The following MYH1 variants were observed in gnomAD, a reference collection of about 807,000 sequenced individuals.
The protein encoded by MYH1 is myosin heavy chain 1, also known as myosin-1.
In MYH1, 214 loss-of-function variants were observed where a neutral mutation model predicts 225.6. The ratio of observed to expected loss-of-function variants is 0.95; its 90% CI spans 0.85 to 1.06. MYH1 has a LOEUF of 1.06. MYH1 is among the 50% of genes least tolerant of loss of function. The probability of loss-of-function intolerance (pLI) is 0.00; values close to 1 mark genes in which losing one functional copy is unlikely to be tolerated. For synonymous variants in MYH1, 774 were observed against 842.3 expected, an observed-to-expected ratio of 0.92 and a Z score of 1.40; for missense variants, 2,098 against 2,344.2, an observed-to-expected ratio of 0.89 and a Z score of 2.17.
chr17:10,505,976 A>T, intron 18 of MYH1, 36 bp downstream of exon 18: 5 of 1,614,176 alleles, frequency 3.1e-6, no homozygotes, highest in Non-Finnish European at 4.2e-6. Context: ...TATCACACAC[A>T]CACTGGAGCT....
In MYH1 at chr17:10,503,266, A is replaced by C. The variant is rs778389547; in HGVS notation, c.2692-18T>G. On this transcript the variant is annotated intron_variant, in intron 22 of 39. Transcript: ENST00000226207. ...TCAGCTTCCTGAGAAGAGGCAATAGATATTTTAGATTTTATGAAAATTCCT... is the reference window on the plus strand; with the variant it reads ...TCAGCTTCCTGAGAAGAGGCAATAGCTATTTTAGATTTTATGAAAATTCCT... The C allele has an allele frequency of 1.9e-6, 3 of 1,603,050 alleles. No individual in the cohort carries two copies. The South Asian group carries it at 3.4e-5, about 18-fold the overall frequency.
intron 14 of MYH1, among the ~76,000 whole-genome samples, chr17:10,510,170 T>C (rs2073157468): frequency 6.6e-6 from 1 of 152,102 alleles, no homozygotes; most frequent in Non-Finnish European, 1.5e-5. Flanking sequence ...AAAAGTTGTT[T>C]GGTTTTTATA....
chr17:10,500,585 G>T, intron 28 of MYH1, 41 bp downstream of exon 28: 1 of 1,610,862 alleles, frequency 6.2e-7, no homozygotes, highest in East Asian at 2.2e-5. Flanking sequence ...CACATGCAGG[G>T]TGAATTTGTC....
intron 27 of MYH1, 41 bp downstream of exon 27, chr17:10,501,069 A>T (rs770694368): frequency 6.2e-7 from 1 of 1,604,236 alleles, no homozygotes; most frequent in Non-Finnish European, 8.5e-7. Context: ...CTAAAGGGAA[A>T]AACAAAAAAC....
rs370081195 is a variant in MYH1, at chr17:10,508,391, G to T, written c.1869C>A (p.Leu623=). 21 of 1,608,632 alleles carry T rather than the reference G, an allele frequency of 1.3e-5. No individual in the cohort carries two copies. Among genetic ancestry groups the T allele is most frequent in the Non-Finnish European group, 1.7e-5 (20 of 1,177,304 alleles). Reference sequence around the variant, plus strand: ...CTTCCGCTCCCGTTGCCCCAACAAAGAGGAGAGCCAGAGTCTTCATTGCAG... The same window carrying T: ...CTTCCGCTCCCGTTGCCCCAACAAATAGGAGAGCCAGAGTCTTCATTGCAG... The part of the protein sequence containing the change: ...QKSAMKTLAL[L]FVGATGAEAE... Residue 623 remains leucine (L), a synonymous_variant, in exon 16 of 40, where the codon CTC becomes CTA. Coordinates refer to ENST00000226207, the MANE Select transcript of MYH1 (RefSeq NM_005963.4).
chr17:10,499,048 G>A lies in MYH1; in HGVS notation c.3910C>T (p.Gln1304Ter), dbSNP rs1335448454. 1.2e-6 allele frequency: 2 copies of A among 1,614,120 alleles called. No individual in the cohort carries two copies. The highest frequency in any genetic ancestry group is 1.7e-6 in the Non-Finnish European group (2 of 1,180,002). ...AAGGCTTGTTTGCCCCTCGAGAGCT[G>A]TGAAACTAGTGTGTCCTTTTCATCT... ...QLDEKDTLVS[Q>*]LSRGKQAFTQ... Residue 1304 changes from glutamine (Q) to a stop codon, truncating the protein, a stop_gained, in exon 29 of 40, where the codon CAG becomes TAG. Transcript: ENST00000226207. LOFTEE classifies it high-confidence loss of function.
chr17:10,508,640 C>A lies in MYH1; in HGVS notation c.1620G>T (p.Glu540Asp). Residue 540 changes from glutamate to aspartate, a missense_variant, in exon 16 of 40, where the codon GAG (glutamate) becomes GAT (aspartate). Physicochemically the swap from Glu to Asp is conservative, Grantham distance 45 (BLOSUM62 2). Coordinates refer to ENST00000226207, the MANE Select transcript of MYH1 (RefSeq NM_005963.4). Reference sequence around the variant, plus strand: ...TGTCTGTCGCCTTGGGGAACATGCACTCCTCTTCCAGGATGGAGAAGATGC... The same window carrying A: ...TGTCTGTCGCCTTGGGGAACATGCAATCCTCTTCCAGGATGGAGAAGATGC... ...PMGIFSILEE[E>D]CMFPKATDTS... The A allele has an allele frequency of 6.2e-7, 1 of 1,614,172 alleles. No individual in the cohort carries two copies. Among genetic ancestry groups the A allele is most frequent in the South Asian group, 1.1e-5 (1 of 91,082 alleles).
Position 10,499,957 on chromosome 17 carries a change from G to A in MYH1, c.3865+669C>T, listed in dbSNP as rs112034241. On this transcript the variant is annotated intron_variant, in intron 28 of 39. Coordinates refer to ENST00000226207, the MANE Select transcript of MYH1 (RefSeq NM_005963.4). ...ACAACTCTGGTAGAAAGTTGGACAC[G>A]TCAGTAGGAGGGGGAATAAATGCAG... Among the ~76,000 whole-genome samples, 528 of 152,234 alleles carry A rather than the reference G, an allele frequency of 3.5e-3. 3 individuals are homozygous for A. The highest frequency in any genetic ancestry group is 1.0e-2 in the African/African-American group (414 of 41,526).
In MYH1 at chr17:10,501,504, G is replaced by A. The variant is rs201826064; in HGVS notation, c.3349-5C>T. 3.8e-5 allele frequency: 61 copies of A among 1,614,198 alleles called. No individual in the cohort carries two copies. Among genetic ancestry groups the A allele is most frequent in the Non-Finnish European group, 5.1e-5 (60 of 1,180,040 alleles). On this transcript the variant is annotated splice_polypyrimidine_tract_variant and splice_region_variant and intron_variant, in intron 26 of 39. Coordinates refer to ENST00000226207, the MANE Select transcript of MYH1 (RefSeq NM_005963.4). ...CTCCAGCTCCTCAATGCGGGCCTGG[G>A]AATGGTGAAAAATATTAATACGAAC...
intron 22 of MYH1, among the ~76,000 whole-genome samples, chr17:10,504,291 A>T (rs902096022): frequency 1.3e-5 from 2 of 152,238 alleles, no homozygotes; most frequent in Admixed American, 1.3e-4. Context: ...TATCTGTGGA[A>T]GGCATTGCCA....
intron 5 of MYH1, 25 bp downstream of exon 5, chr17:10,515,901 T>C: frequency 6.2e-7 from 1 of 1,614,030 alleles, no homozygotes; most frequent in Non-Finnish European, 8.5e-7. Context: ...AAATAATTCA[T>C]ATGAAAACCA....
At chr17:10,500,266 G>A (rs968710260) in intron 28 of MYH1, among the ~76,000 whole-genome samples, 2 of 152,060 alleles carry the variant, frequency 1.3e-5, no homozygotes, top group East Asian at 1.9e-4. Flanking sequence ...CTGTAAGGAT[G>A]CACTTTGTTT....
rs1260730446 is a variant in MYH1, at chr17:10,500,683, G to C, written c.3808C>G (p.Gln1270Glu). Reference protein sequence around the residue: ...LSEIKTKEEEQQRLINDLTAQ... With the variant: ...LSEIKTKEEEEQRLINDLTAQ... ...GTGAGGTCATTGATCAGCCGCTGCT[G>C]CTCCTCTTCCTTGGTCTTAATTTCA... The change falls in exon 28 of 40, where the codon CAG becomes GAG. Residue 1270 changes from glutamine to glutamate, a missense_variant. By Grantham distance (29) the Gln-to-Glu change is conservative (BLOSUM62 2). Transcript: ENST00000226207. The C allele has an allele frequency of 4.3e-6, 7 of 1,614,090 alleles. No homozygotes were observed. The Middle Eastern group carries it at 5.0e-4, about 115-fold the overall frequency.
chr17:10,514,410 T>C (rs1243258650), intron 6 of MYH1, among the ~76,000 whole-genome samples: 1 of 152,220 alleles, frequency 6.6e-6, no homozygotes, highest in Non-Finnish European at 1.5e-5. Context: ...AGCACCTCTG[T>C]AGTGAATGGA....
At chr17:10,507,643 C>T (rs1017898553) in intron 17 of MYH1, among the ~76,000 whole-genome samples, 2 of 152,150 alleles carry the variant, frequency 1.3e-5, no homozygotes, top group South Asian at 2.1e-4. Flanking sequence ...ATACTGACTT[C>T]TGCAATTCGC....
chr17:10,501,785 G>C lies in MYH1; in HGVS notation c.3238C>G (p.Leu1080Val), dbSNP rs774100076. ...TMDIENDKQQ[L>V]DEKLKKKEFE... ...GCTTACTTTTTAAGCTTTTCATCAA[G>C]TTGTTGTTTGTCATTTTCTATATCC... The change falls in exon 25 of 40, where the codon CTT becomes GTT. Residue 1080 changes from leucine (L) to valine (V), a missense_variant. Leu to Val is a conservative substitution (Grantham distance 32). Transcript: ENST00000226207. The C allele has an allele frequency of 3.1e-6, 5 of 1,613,558 alleles. No individual in the cohort carries two copies. The highest frequency in any genetic ancestry group is 2.5e-6 in the Non-Finnish European group (3 of 1,179,860).
Position 10,516,499 on chromosome 17 carries a change from C to T in MYH1, c.144G>A (p.Val48=), listed in dbSNP as rs2073230780. Residue 48 remains valine (V), a synonymous_variant, in exon 3 of 40, where the codon GTG becomes GTA. Transcript: ENST00000226207. The part of the protein sequence containing the change: ...VFVVDPKESF[V]KATVQSREGG... ...CTTCCCTGCTCTGCACTGTTGCTTT[C>T]ACAAAGGACTCCTTAGGGTCCACCA... 6.2e-7 allele frequency: 1 copy of T among 1,614,196 alleles called. No homozygotes were observed. The highest frequency in any genetic ancestry group is 8.5e-7 in the Non-Finnish European group (1 of 1,180,052).
At chr17:10,498,393 A>T (rs2073017870) in intron 30 of MYH1, among the ~76,000 whole-genome samples, 1 of 152,212 alleles carries the variant, frequency 6.6e-6, no homozygotes, top group African/African-American at 2.4e-5. Flanking sequence ...GTCTAATTGT[A>T]TCCCTTATTT....
Position 10,496,415 on chromosome 17 carries a change from G to T in MYH1, c.4791C>A (p.Ile1597=), listed in dbSNP as rs138249334. 9 of 1,613,942 alleles carry T rather than the reference G, an allele frequency of 5.6e-6. No individual in the cohort carries two copies. In the South Asian group the frequency reaches 8.8e-5, roughly 16 times the overall value. The change falls in exon 34 of 40, where the codon ATC becomes ATA. Residue 1597 remains isoleucine, a synonymous_variant. Coordinates refer to ENST00000226207, the MANE Select transcript of MYH1 (RefSeq NM_005963.4). ...IDQMKRNHIR[I]VESMQSTLDA... ...CCAGTGTGCTCTGCATGGACTCCAC[G>T]ATTCTAATGTGGTTTCTCTTCATCT... is the stretch of plus-strand genomic sequence containing the variant.
Sources: gnomAD v4.1 joint callset for allele counts (sites outside exome capture counted in the v4.1 genomes callset) on GRCh38, gnomAD v4.1.1 for gene constraint, MANE v1.5 for transcripts, NCBI Gene and HGNC (gene_info 2026-07-23, HGNC 2026-07-21) for gene names.